TBC1D32: variants seen among roughly 807,000 people sequenced by gnomAD.
The protein encoded by TBC1D32 is protein broad-minded.
Under a neutral mutation model 170.3 loss-of-function variants are expected in TBC1D32, and 151 were observed. The observed-to-expected ratio is 0.89, with a 90% CI of 0.78 to 1.01. The LOEUF is 1.01. TBC1D32 is among the 50% of genes least tolerant of loss of function. TBC1D32 has a pLI of 0.00. For synonymous variants in TBC1D32, 498 were observed against 488.0 expected, an observed-to-expected ratio of 1.02 and a Z score of -0.27; for missense variants, 1,464 against 1,457.1, an observed-to-expected ratio of 1.00 and a Z score of -0.08.
At chr6:121,256,333 C>G in intron 15 of TBC1D32, 48 bp from the exon 16 acceptor site, 1 of 1,468,160 alleles carries the variant, frequency 6.8e-7, no homozygotes. Context: ...TTAATCTTGA[C>G]TTCATAAAGC....
intron 17 of TBC1D32, among the ~76,000 whole-genome samples, chr6:121,249,266 C>A (rs1207367478): frequency 2.0e-5 from 3 of 151,600 alleles, no homozygotes; most frequent in African/African-American, 7.3e-5. Context: ...AAATCTAGCA[C>A]CCCTTTAGAT....
chr6:121,300,259 C>A lies in TBC1D32; in HGVS notation c.1081-754G>T, dbSNP rs1806262893. 2.0e-5 allele frequency among the ~76,000 whole-genome samples: 3 copies of A among 152,030 alleles called. No homozygotes were observed. The South Asian group carries it at 6.2e-4, about 32-fold the overall frequency. On this transcript the variant is annotated intron_variant, in intron 9 of 31. Transcript: ENST00000398212. The stretch of plus-strand genomic sequence containing the variant: ...GAGTTCGAGTATGGTCTCGAAATGG[C>A]CAATATGGTGAAACCCCTCTCTACT...
chr6:121,234,582 GCTCT>G lies in TBC1D32; in HGVS notation c.2364+4484_2364+4487del, dbSNP rs1389986365. On this transcript the variant is annotated intron_variant, in intron 20 of 31. Transcript: ENST00000398212. ...GAAGTTGTGATTGTTCTTAATTTGT[GCTCT>G]CTATTTCACTGAAGAATTTTCCTTT... 7.2e-5 allele frequency among the ~76,000 whole-genome samples: 11 copies of G among 151,980 alleles called. No homozygotes were observed. The East Asian group carries it at 1.6e-3, about 21-fold the overall frequency.
chr6:121,141,289 G>T (rs1373486713), intron 24 of TBC1D32, among the ~76,000 whole-genome samples: 1 of 152,124 alleles, frequency 6.6e-6, no homozygotes, highest in Non-Finnish European at 1.5e-5. Flanking sequence ...GGTTTAAACA[G>T]GACACCCATG....
At chr6:121,105,172 T>C (rs1778562793) in intron 30 of TBC1D32, among the ~76,000 whole-genome samples, 1 of 151,916 alleles carries the variant, frequency 6.6e-6, no homozygotes, top group Non-Finnish European at 1.5e-5. Context: ...GACATATCAT[T>C]AAACTTACTA....
chr6:121,250,051 T>C (rs1583397588), intron 17 of TBC1D32, among the ~76,000 whole-genome samples: 1 of 151,666 alleles, frequency 6.6e-6, no homozygotes, highest in East Asian at 1.9e-4. Flanking sequence ...AAAGAACAAA[T>C]CTGAAGGCAT....
At chr6:121,226,339 A>T (rs1199193870) in intron 20 of TBC1D32, among the ~76,000 whole-genome samples, 43 of 152,266 alleles carry the variant, frequency 2.8e-4, no homozygotes, top group Admixed American at 1.8e-3. Flanking sequence ...GACACTCTTC[A>T]GCAATGTAGG....
At chr6:121,261,479 G>A (rs6919414) in intron 15 of TBC1D32, among the ~76,000 whole-genome samples, 4 of 152,198 alleles carry the variant, frequency 2.6e-5, no homozygotes, top group African/African-American at 7.2e-5. Flanking sequence ...GTGTGGAAGC[G>A]AACCAGATGA....
At chr6:121,216,608 C>T (rs1282935002) in intron 21 of TBC1D32, among the ~76,000 whole-genome samples, 1 of 152,182 alleles carries the variant, frequency 6.6e-6, no homozygotes, top group Non-Finnish European at 1.5e-5. Context: ...GCATTTGACA[C>T]TCCTGATTCA....
At chr6:121,175,916 CTGTT>C (rs1255486803) in intron 22 of TBC1D32, among the ~76,000 whole-genome samples, 3 of 152,188 alleles carry the variant, frequency 2.0e-5, no homozygotes, top group Non-Finnish European at 2.9e-5. Context: ...GACAATAAAA[CTGTT>C]TGTGAATCCA....
intron 21 of TBC1D32, among the ~76,000 whole-genome samples, chr6:121,214,114 A>G (rs1793511276): frequency 6.6e-6 from 1 of 152,208 alleles, no homozygotes; most frequent in African/African-American, 2.4e-5. Flanking sequence ...CCTTTTCCTT[A>G]TATCATATAC....
At chr6:121,130,854 T>G (rs1781363937) in intron 25 of TBC1D32, among the ~76,000 whole-genome samples, 1 of 152,084 alleles carries the variant, frequency 6.6e-6, no homozygotes, top group South Asian at 2.1e-4. Context: ...TATAAATATC[T>G]GGGGGGATAA....
At chr6:121,333,978 A>C (rs890187768) in intron 1 of TBC1D32, among the ~76,000 whole-genome samples, 9 of 152,142 alleles carry the variant, frequency 5.9e-5, no homozygotes, top group Admixed American at 2.0e-4. Flanking sequence ...GAGGCTGGAG[A>C]ATCGCTTGAA....
chr6:121,321,756 T>C lies in TBC1D32; in HGVS notation c.194A>G (p.Asn65Ser), dbSNP rs751613942. 1 of 1,613,894 alleles carries C rather than the reference T, an allele frequency of 6.2e-7. No homozygotes were observed. The highest frequency in any genetic ancestry group is 8.5e-7 in the Non-Finnish European group (1 of 1,179,910). ...FVKYLRQHIGNTLGSMIEEEM... is the reference protein window; with the variant it reads ...FVKYLRQHIGSTLGSMIEEEM... ...TTCTTCAATCATAGAACCCAAAGTG[T>C]TGCCTATATGCTGCCTGAGGTATTT... Residue 65 changes from asparagine to serine, a missense_variant, in exon 2 of 32, where the codon AAC becomes AGC. Physicochemically the swap from Asn to Ser is conservative, Grantham distance 46. Around this residue, in one of 3 missense-constraint regions of TBC1D32, gnomAD observed 1,363 missense variants for 1,338.1 expected, o/e 1.02. Transcript: ENST00000398212.
At chr6:121,225,849 A>G (rs1286136866) in intron 20 of TBC1D32, among the ~76,000 whole-genome samples, 1 of 152,100 alleles carries the variant, frequency 6.6e-6, no homozygotes, top group Non-Finnish European at 1.5e-5. Context: ...ATAAAAATAT[A>G]TACAATGTAA....
chr6:121,084,914 T>A (rs1297961875), intron 31 of TBC1D32, among the ~76,000 whole-genome samples: 3 of 152,032 alleles, frequency 2.0e-5, no homozygotes, highest in African/African-American at 2.4e-5. Flanking sequence ...TGATGATTTT[T>A]AAAATATAAT....
chr6:121,304,714 C>A, intron 6 of TBC1D32, 41 bp downstream of exon 6: 1 of 1,538,488 alleles, frequency 6.5e-7, no homozygotes, highest in African/African-American at 1.4e-5. Context: ...TAAGTACATG[C>A]AAATGACAAA....
At position 121,080,652 on chromosome 6, in the gene TBC1D32, A is replaced by C. The variant is rs572775130; in HGVS notation, c.*119T>G. The C allele has an allele frequency of 1.6e-6, 2 of 1,260,260 alleles. No individual in the cohort carries two copies. The highest frequency in any genetic ancestry group is 5.1e-5 in the East Asian group (2 of 39,450). The allele number at this position is 1,260,260 out of a possible 1,614,324, so 78.1% of individuals were successfully genotyped here. On this transcript the variant is annotated 3_prime_UTR_variant, in exon 32 of 32. Coordinates refer to ENST00000398212, the MANE Select transcript of TBC1D32 (RefSeq NM_152730.6). Reference sequence around the variant, plus strand: ...ACTTAAATATATCGTTATACTTCTCAGTATTTACAATATGTATATTCACAA... The same window carrying C: ...ACTTAAATATATCGTTATACTTCTCCGTATTTACAATATGTATATTCACAA...
At chr6:121,117,127 A>C (rs1361991828) in intron 26 of TBC1D32, among the ~76,000 whole-genome samples, 1 of 152,204 alleles carries the variant, frequency 6.6e-6, no homozygotes, top group Non-Finnish European at 1.5e-5. Flanking sequence ...ATAAAAGTTA[A>C]ATTTAGATAG....
Sources: allele counts gnomAD v4.1 joint callset (sites outside exome capture counted in the v4.1 genomes callset), GRCh38; gene constraint gnomAD v4.1.1; regional missense constraint gnomAD v4.1.1; transcripts MANE v1.5; gene names NCBI Gene and HGNC (gene_info 2026-07-23, HGNC 2026-07-21).